The following MACROH2A1 variants were observed in gnomAD, a reference collection of about 807,000 sequenced individuals.
MACROH2A1 encodes macroH2A.1 histone, also known as core histone macro-H2A.1.
A neutral mutation model predicts 31.6 loss-of-function variants in MACROH2A1; 2 were observed. The ratio of observed to expected loss-of-function variants is 0.06; its 90% CI spans 0.03 to 0.20. The LOEUF is 0.20. Ranked by LOEUF, MACROH2A1 falls within the 10% of genes least tolerant of loss-of-function variation. MACROH2A1 has a pLI of 1.00. For missense variants in MACROH2A1, 230 were observed against 474.0 expected (o/e 0.49, Z 4.78); for synonymous variants, 169 against 189.6 (o/e 0.89, Z 0.89).
intron 2 of MACROH2A1, among the ~76,000 whole-genome samples, chr5:135,372,999 GC>G (rs373384692): frequency 2.6e-5 from 4 of 152,310 alleles, no homozygotes; most frequent in African/African-American, 9.6e-5. Flanking sequence ...TGCTTTATCT[GC>G]CCCCTCATTA....
chr5:135,364,328 A>T (rs189131793), intron 4 of MACROH2A1, among the ~76,000 whole-genome samples: 2 of 152,282 alleles, frequency 1.3e-5, no homozygotes, highest in East Asian at 3.9e-4. Flanking sequence ...AACATGGCAC[A>T]TGTATACATA....
At chr5:135,373,694 C>T (rs932420309) in intron 2 of MACROH2A1, among the ~76,000 whole-genome samples, 4 of 152,106 alleles carry the variant, frequency 2.6e-5, no homozygotes, top group Non-Finnish European at 5.9e-5. Flanking sequence ...CCTTCTTTAC[C>T]AAGGAGCCCC....
intron 8 of MACROH2A1, among the ~76,000 whole-genome samples, chr5:135,340,550 G>A (rs1759653842): frequency 6.6e-6 from 1 of 152,200 alleles, no homozygotes; most frequent in African/African-American, 2.4e-5. Context: ...AGGACAGGAT[G>A]TCCAGATGCC....
chr5:135,346,321 C>T, intron 6 of MACROH2A1: 1 of 468,362 alleles, frequency 2.1e-6, no homozygotes, highest in Non-Finnish European at 3.9e-6. Flanking sequence ...ATGGATGTGC[C>T]AGAGATGTGA....
At chr5:135,374,619 G>A (rs916446142) in intron 2 of MACROH2A1, among the ~76,000 whole-genome samples, 11 of 152,212 alleles carry the variant, frequency 7.2e-5, no homozygotes, top group Non-Finnish European at 1.6e-4. Context: ...AAGGGGGAGG[G>A]TGGGTTCTTG....
intron 1 of MACROH2A1, among the ~76,000 whole-genome samples, chr5:135,393,325 T>A (rs1767511915): frequency 6.6e-6 from 1 of 152,220 alleles, no homozygotes; most frequent in Non-Finnish European, 1.5e-5. Context: ...CTTAGTCACA[T>A]GCCCACAACT....
rs976586257 is a variant in MACROH2A1, at chr5:135,350,693, G to A, written c.688+2253C>T. ...TACTCAGGTTCACAACCCAGGGACA[G>A]GAGACAGGGTCAGGACAGCTGGAAG... is the stretch of plus-strand genomic sequence containing the variant. On this transcript the variant is annotated intron_variant, in intron 6 of 8. Coordinates refer to ENST00000511689, the MANE Select transcript of MACROH2A1 (RefSeq NM_138610.3). 9 of 599,176 alleles carry A rather than the reference G, an allele frequency of 1.5e-5. No homozygotes were observed. The African/African-American group carries it at 1.6e-4, about 11-fold the overall frequency. 37.1% of individuals were successfully genotyped at this position (599,176 alleles called of 1,614,324 possible).
chr5:135,343,212 G>A (rs757341485), intron 8 of MACROH2A1, 48 bp downstream of exon 8: 32 of 1,609,556 alleles, frequency 2.0e-5, no homozygotes, highest in Middle Eastern at 1.6e-4. Context: ...CCATGTGTGC[G>A]CAGAGAGACA....
intron 5 of MACROH2A1, chr5:135,359,694 A>G: frequency 3.1e-6 from 3 of 982,224 alleles, no homozygotes; most frequent in Non-Finnish European, 2.4e-6. Flanking sequence ...CAAGTTTGTT[A>G]CCACACTCAA....
intron 2 of MACROH2A1, among the ~76,000 whole-genome samples, chr5:135,374,407 A>G (rs182029265): frequency 2.8e-3 from 422 of 152,310 alleles, no homozygotes; most frequent in Non-Finnish European, 4.5e-3. Flanking sequence ...TCTTCCCTGT[A>G]AGTGATCCTC....
chr5:135,357,722 T>A (rs897622582), intron 5 of MACROH2A1: 3 of 984,780 alleles, frequency 3.0e-6, no homozygotes, highest in Admixed American at 6.1e-5. Context: ...TTTAGTTGAC[T>A]CAGATTCACA....
At chr5:135,395,694 C>T (rs748294884) in intron 1 of MACROH2A1, among the ~76,000 whole-genome samples, 2 of 152,172 alleles carry the variant, frequency 1.3e-5, no homozygotes, top group Non-Finnish European at 2.9e-5. Context: ...ACTAGACAAC[C>T]ATTGCTCACA....
At chr5:135,385,794 G>A (rs3776200) in intron 2 of MACROH2A1, among the ~76,000 whole-genome samples, 2 of 152,152 alleles carry the variant, frequency 1.3e-5, no homozygotes, top group African/African-American at 2.4e-5. Flanking sequence ...CTGGGCCCTC[G>A]TTTGGCCTGC....
chr5:135,369,415 C>T lies in MACROH2A1; in HGVS notation c.468G>A (p.Arg156=), dbSNP rs779830514. The part of the protein sequence containing the change: ...SKKAGGKKGA[R]KSKKKQGEVS... ...TGGCCAAATCACATACCTTGGATTTCCGGGCCCCTTTCTTGCCTCCTGCTT... is the reference window on the plus strand; with the variant it reads ...TGGCCAAATCACATACCTTGGATTTTCGGGCCCCTTTCTTGCCTCCTGCTT... The change falls in exon 4 of 9, where the codon CGG becomes CGA. Residue 156 remains arginine, a synonymous_variant. Transcript: ENST00000511689. The surrounding 1 kb of genome is among the most constrained non-coding windows in gnomAD (Gnocchi z 4.3). The T allele has an allele frequency of 1.2e-6, 2 of 1,613,878 alleles. No individual in the cohort carries two copies. Among genetic ancestry groups the T allele is most frequent in the South Asian group, 2.2e-5 (2 of 91,078 alleles).
Position 135,358,268 on chromosome 5 carries a change from T to C in MACROH2A1, c.588+2229A>G, listed in dbSNP as rs188682834. The C allele has an allele frequency of 9.2e-3, 9,068 of 985,256 alleles. 46 individuals carry two copies. The highest frequency in any genetic ancestry group is 0.019 in the South Asian group (400 of 21,276). 61.0% of individuals were successfully genotyped at this position (985,256 alleles called of 1,614,324 possible). On this transcript the variant is annotated intron_variant, in intron 5 of 8. Coordinates refer to ENST00000511689, the MANE Select transcript of MACROH2A1 (RefSeq NM_138610.3). ...CACTCCGTCTCATGCTGCAGGGGTG[T>C]AGGATTCCAGAAAGGGCAGTTGGAA...
chr5:135,374,496 T>G (rs1210094812), intron 2 of MACROH2A1, among the ~76,000 whole-genome samples: 1 of 152,208 alleles, frequency 6.6e-6, no homozygotes, highest in Non-Finnish European at 1.5e-5. Flanking sequence ...CTGCCCCCCA[T>G]GCACACTGGG....
At position 135,344,424 on chromosome 5, in the gene MACROH2A1, C is replaced by T. The variant is rs143649550; in HGVS notation, c.779-990G>A. The stretch of plus-strand genomic sequence containing the variant: ...TCCAAGGGGTATGGTTTGTTATGGT[C>T]GTGTCATAGATACTGGAGAAGGAGC... On this transcript the variant is annotated intron_variant, in intron 7 of 8. Coordinates refer to ENST00000511689, the MANE Select transcript of MACROH2A1 (RefSeq NM_138610.3). 2.0e-3 allele frequency: 298 copies of T among 151,622 alleles called. 1 individual carries two copies. The highest frequency in any genetic ancestry group is 6.9e-3 in the African/African-American group (283 of 41,280). 9.4% of individuals were successfully genotyped at this position (151,622 alleles called of 1,614,324 possible). A position where few individuals can be genotyped will look rare whatever the true frequency, so the allele number is the denominator to read the frequency against.
intron 1 of MACROH2A1, among the ~76,000 whole-genome samples, chr5:135,391,026 C>T (rs1767162659): frequency 6.6e-6 from 1 of 152,188 alleles, no homozygotes; most frequent in African/African-American, 2.4e-5. Flanking sequence ...GCTAGAGAGA[C>T]CCAGAAGGGT....
At chr5:135,379,319 C>T (rs1765333931) in intron 2 of MACROH2A1, among the ~76,000 whole-genome samples, 1 of 152,126 alleles carries the variant, frequency 6.6e-6, no homozygotes, top group Admixed American at 6.5e-5. Context: ...ATGTTCTAGC[C>T]ACTAAATGGA....
Sources: allele counts gnomAD v4.1 joint callset (sites outside exome capture counted in the v4.1 genomes callset), GRCh38; gene constraint gnomAD v4.1.1; non-coding constraint Gnocchi (gnomAD v3.1); transcripts MANE v1.5; gene names NCBI Gene and HGNC (gene_info 2026-07-23, HGNC 2026-07-21).